Variants in DLGAP2 observed in about 807,000 individuals in gnomAD.
DLGAP2 encodes the protein disks large-associated protein 2.
A neutral mutation model predicts 100.3 loss-of-function variants in DLGAP2; 26 were observed. The ratio of observed to expected loss-of-function variants is 0.26; its 90% confidence interval spans 0.19 to 0.36. DLGAP2 has a LOEUF of 0.36. DLGAP2 is among the 10% of genes least tolerant of loss of function. The probability of loss-of-function intolerance (pLI) is 1.00; values close to 1 mark genes in which losing one functional copy is unlikely to be tolerated. For synonymous variants in DLGAP2, 886 were observed against 630.1 expected (o/e 1.41, Z -6.08); for missense variants, 1,858 against 1,453.2 (o/e 1.28, Z -4.53).
intron 3 of DLGAP2, among the ~76,000 whole-genome samples, chr8:1,275,899 AAT>A (rs1288817320): frequency 3.2e-5 from 4 of 125,532 alleles, no homozygotes; most frequent in Non-Finnish European, 4.7e-5. Context: ...ATAATATATA[AAT>A]ATATATAATA....
intron 1 of DLGAP2, among the ~76,000 whole-genome samples, chr8:755,902 C>T (rs1260338285): frequency 6.6e-6 from 1 of 152,088 alleles, no homozygotes; most frequent in East Asian, 1.9e-4. Context: ...GGGAAGGAGG[C>T]GGGTGGAGAG....
chr8:1,307,743 C>T (rs1014754722), intron 3 of DLGAP2, among the ~76,000 whole-genome samples: 1 of 152,126 alleles, frequency 6.6e-6, no homozygotes, highest in Non-Finnish European at 1.5e-5. Context: ...TGAAGACATT[C>T]CACAAAATGA....
At chr8:845,938 T>C (rs1585924956) in intron 1 of DLGAP2, among the ~76,000 whole-genome samples, 1 of 152,252 alleles carries the variant, frequency 6.6e-6, no homozygotes, top group East Asian at 1.9e-4. Flanking sequence ...TTGAATTGTC[T>C]TGGCACCCTT....
At chr8:1,484,809 A>T (rs1799197060) in intron 3 of DLGAP2, among the ~76,000 whole-genome samples, 2 of 152,172 alleles carry the variant, frequency 1.3e-5, no homozygotes, top group Admixed American at 1.3e-4. Flanking sequence ...AGATGGCTTC[A>T]TGTCCTCCCA....
chr8:1,380,844 A>T (rs1796075945), intron 3 of DLGAP2, among the ~76,000 whole-genome samples: 1 of 149,546 alleles, frequency 6.7e-6, no homozygotes, highest in Non-Finnish European at 1.5e-5. Flanking sequence ...AAAAGTTTAA[A>T]CTTAAGAAAA....
At chr8:1,346,522 A>G (rs1256151625) in intron 3 of DLGAP2, among the ~76,000 whole-genome samples, 1 of 149,618 alleles carries the variant, frequency 6.7e-6, no homozygotes, top group African/African-American at 2.5e-5. Context: ...GTGGAGGTTG[A>G]GTTCCCATAC....
chr8:1,112,023 C>T (rs1302562584), intron 2 of DLGAP2, among the ~76,000 whole-genome samples: 6 of 152,178 alleles, frequency 3.9e-5, no homozygotes, highest in Non-Finnish European at 5.9e-5. Context: ...ACACTCCCAC[C>T]GACAGTGTAT....
intron 1 of DLGAP2, among the ~76,000 whole-genome samples, chr8:848,874 TCTGTTCCAGCATAGGAACGCGCGGTGC>T (rs71202670): frequency 0.053 from 6,712 of 127,514 alleles, 742 homozygotes; most frequent in East Asian, 0.21. Context: ...TCGCGCGGTG[TCTGTTCCAGCATAGGAACGCGCGGTGC>T]CTGTTCCAGC....
At chr8:1,133,584 G>C (rs1476161327) in intron 2 of DLGAP2, among the ~76,000 whole-genome samples, 1 of 152,134 alleles carries the variant, frequency 6.6e-6, no homozygotes, top group African/African-American at 2.4e-5. Context: ...GAGTTAAGAA[G>C]GGCCTGGACA....
chr8:1,591,516 C>G (rs1049321829), intron 6 of DLGAP2, among the ~76,000 whole-genome samples: 4 of 146,336 alleles, frequency 2.7e-5, no homozygotes, highest in Admixed American at 6.9e-5. Context: ...TCAGCCTCCC[C>G]TTTCCTGCCT....
At chr8:996,079 G>C (rs917000489) in intron 2 of DLGAP2, among the ~76,000 whole-genome samples, 1 of 152,134 alleles carries the variant, frequency 6.6e-6, no homozygotes, top group African/African-American at 2.4e-5. Context: ...CCACAACACC[G>C]TTTAAAGTAG....
At position 1,587,844 on chromosome 8, in the gene DLGAP2, C is replaced by T. The variant is rs539902567; in HGVS notation, c.1442+21950C>T. On this transcript the variant is annotated intron_variant, in intron 6 of 14. Transcript: ENST00000637795. ...TAAATAAAATACCATGATTTTTTTC[C>T]ATTTCTAATTATATGAAGTCTTAAC... 1.0e-3 allele frequency among the ~76,000 whole-genome samples: 159 copies of T among 151,952 alleles called. 1 individual carries two copies. The highest frequency in any genetic ancestry group is 3.6e-3 in the African/African-American group (148 of 41,424).
chr8:739,962 C>T (rs1405196560), intron 1 of DLGAP2: 1 of 152,198 alleles, frequency 6.6e-6, no homozygotes, highest in African/African-American at 2.4e-5. Flanking sequence ...ACCGCGGCAG[C>T]TCGGGCGCGT....
At chr8:1,529,957 G>T (rs919376389) in intron 4 of DLGAP2, among the ~76,000 whole-genome samples, 3 of 152,176 alleles carry the variant, frequency 2.0e-5, no homozygotes, top group Non-Finnish European at 4.4e-5. Flanking sequence ...CAGACATCAA[G>T]TACTTTACAA....
chr8:1,482,874 G>A (rs538862569), intron 3 of DLGAP2, among the ~76,000 whole-genome samples: 2 of 152,388 alleles, frequency 1.3e-5, no homozygotes, highest in South Asian at 4.1e-4. Context: ...AGATGACAAA[G>A]AGAGAAAGAA....
intron 1 of DLGAP2, among the ~76,000 whole-genome samples, chr8:887,302 T>C (rs149955784): frequency 6.6e-6 from 1 of 152,132 alleles, no homozygotes; most frequent in African/African-American, 2.4e-5. Context: ...TACAGCACAC[T>C]GATGGGTCTT....
At chr8:910,702 G>T (rs1276478842) in intron 2 of DLGAP2, 2 of 152,240 alleles carry the variant, frequency 1.3e-5, no homozygotes, top group Non-Finnish European at 2.9e-5. Context: ...TACACGGGAA[G>T]TTGGAGTGAC....
At chr8:1,204,099 A>C (rs1028800411) in intron 2 of DLGAP2, among the ~76,000 whole-genome samples, 2 of 152,244 alleles carry the variant, frequency 1.3e-5, no homozygotes, top group African/African-American at 4.8e-5. Context: ...GCGGGACCTG[A>C]ATTCTGCATC....
At chr8:1,647,068 C>A (rs1798056700) in intron 8 of DLGAP2, among the ~76,000 whole-genome samples, 1 of 152,174 alleles carries the variant, frequency 6.6e-6, no homozygotes. Context: ...TGGAGGCCAC[C>A]ACCATTGAAG....
Sources: gnomAD v4.1 joint callset for allele counts (sites outside exome capture counted in the v4.1 genomes callset) on GRCh38, gnomAD v4.1.1 for gene constraint, MANE v1.5 for transcripts, NCBI Gene and HGNC (gene_info 2026-07-23, HGNC 2026-07-21) for gene names.